IQCM: variants seen among roughly 807,000 people sequenced by gnomAD.
The protein encoded by IQCM is IQ motif containing M, also known as IQ domain-containing protein M.
A neutral mutation model predicts 57.6 loss-of-function variants in IQCM; 45 were observed. The observed-to-expected ratio is 0.78, with a 90% CI of 0.62 to 1.00. The LOEUF (loss-of-function observed/expected upper bound fraction) is 1.00. Among genes scored for constraint, IQCM ranks in the 50% least tolerant of loss-of-function variants. The pLI is 0.00. For synonymous variants in IQCM, 148 were observed against 158.9 expected (o/e 0.93, Z 0.51); for missense variants, 468 against 511.6 (o/e 0.91, Z 0.82).
intron 5 of IQCM, among the ~76,000 whole-genome samples, chr4:149,718,082 C>T (rs1765150636): frequency 6.6e-6 from 1 of 152,182 alleles, no homozygotes; most frequent in African/African-American, 2.4e-5. Flanking sequence ...GTAAAAGGCC[C>T]TCCTGCCTAC....
intron 12 of IQCM, among the ~76,000 whole-genome samples, chr4:149,453,092 A>C (rs1241263793): frequency 6.6e-6 from 1 of 151,636 alleles, no homozygotes; most frequent in Non-Finnish European, 1.5e-5. Flanking sequence ...GGAAAGAAGA[A>C]ACAATTAGAA....
At chr4:149,442,947 CACACACAGAGAGAG>C (rs1412435711) in intron 12 of IQCM, among the ~76,000 whole-genome samples, 2 of 52,510 alleles carry the variant, frequency 3.8e-5, no homozygotes, top group African/African-American at 1.7e-4. Flanking sequence ...CACACACACA[CACACACAGAGAGAG>C]AGAGAGAGAG....
chr4:149,797,966 C>T lies in IQCM; in HGVS notation c.-49+17345G>A, dbSNP rs566581421. Reference sequence around the variant, plus strand: ...GTACTTCAATCAGAAAAAAAAAAGACATTAATGAGCAATAAATCATCATCT... The same window carrying T: ...GTACTTCAATCAGAAAAAAAAAAGATATTAATGAGCAATAAATCATCATCT... On this transcript the variant is annotated intron_variant, in intron 2 of 13. Transcript: ENST00000636793. Among the ~76,000 whole-genome samples the T allele has an allele frequency of 2.2e-4, 34 of 151,178 alleles. No homozygotes were observed. In the South Asian group the frequency reaches 7.1e-3, roughly 32 times the overall value.
At chr4:149,514,189 A>G in intron 12 of IQCM, among the ~76,000 whole-genome samples, 1 of 152,186 alleles carries the variant, frequency 6.6e-6, no homozygotes, top group East Asian at 1.9e-4. Context: ...CCCAAAACAA[A>G]TGAATTACTT....
intron 2 of IQCM, among the ~76,000 whole-genome samples, chr4:149,774,684 C>A (rs1476601041): frequency 6.6e-6 from 1 of 151,484 alleles, no homozygotes; most frequent in Non-Finnish European, 1.5e-5. Context: ...CTTTGGAGGC[C>A]CCCTCCCTCT....
intron 13 of IQCM, among the ~76,000 whole-genome samples, chr4:149,369,629 C>T (rs1398718973): frequency 1.3e-5 from 2 of 152,052 alleles, no homozygotes; most frequent in African/African-American, 4.8e-5. Flanking sequence ...GTTAGGAAAA[C>T]AGCAGTGAAG....
intron 6 of IQCM, 87 bp from the exon 7 acceptor site, chr4:149,682,293 C>T (rs1019353741): frequency 1.4e-5 from 7 of 500,526 alleles, no homozygotes; most frequent in Middle Eastern, 5.7e-4. Flanking sequence ...GGACTAAATG[C>T]TAATCATAGA....
chr4:149,474,744 A>T (rs960695112), intron 12 of IQCM, among the ~76,000 whole-genome samples: 7 of 151,752 alleles, frequency 4.6e-5, no homozygotes, highest in African/African-American at 9.7e-5. Flanking sequence ...ATATATAATT[A>T]AAAAATAAAA....
At chr4:149,618,402 G>C (rs1187541542) in intron 8 of IQCM, among the ~76,000 whole-genome samples, 1 of 152,030 alleles carries the variant, frequency 6.6e-6, no homozygotes, top group Admixed American at 6.6e-5. Flanking sequence ...AAAAATCCTA[G>C]AAGAAAACCT....
At chr4:149,656,611 C>A (rs1759658877) in intron 7 of IQCM, among the ~76,000 whole-genome samples, 1 of 152,002 alleles carries the variant, frequency 6.6e-6, no homozygotes, top group African/African-American at 2.4e-5. Flanking sequence ...ATTGAGAATA[C>A]CTCCTTCCTT....
At chr4:149,475,461 T>C (rs1211260172) in intron 12 of IQCM, among the ~76,000 whole-genome samples, 1 of 152,166 alleles carries the variant, frequency 6.6e-6, no homozygotes, top group Non-Finnish European at 1.5e-5. Context: ...GATACATATG[T>C]GATCCTGGTG....
intron 12 of IQCM, among the ~76,000 whole-genome samples, chr4:149,443,041 T>C (rs527273912): frequency 1.3e-5 from 2 of 151,716 alleles, no homozygotes; most frequent in South Asian, 4.2e-4. Context: ...TGTGCTTGAC[T>C]AGCCAAGTCC....
intron 8 of IQCM, among the ~76,000 whole-genome samples, chr4:149,618,322 C>A (rs1056922021): frequency 6.6e-6 from 1 of 152,080 alleles, no homozygotes; most frequent in Non-Finnish European, 1.5e-5. Context: ...AAACTGGACC[C>A]CTATCTCTCA....
chr4:149,544,667 A>C (rs538813234), intron 12 of IQCM, among the ~76,000 whole-genome samples: 9 of 152,322 alleles, frequency 5.9e-5, no homozygotes, highest in African/African-American at 2.2e-4. Context: ...ATTGTATTCA[A>C]AACAGTATGA....
At chr4:149,484,026 T>G (rs536300040) in intron 12 of IQCM, among the ~76,000 whole-genome samples, 1 of 152,172 alleles carries the variant, frequency 6.6e-6, no homozygotes, top group East Asian at 1.9e-4. Flanking sequence ...TGTAGTGACC[T>G]TCTTTGTCGC....
chr4:149,800,664 A>G (rs1203218733), intron 2 of IQCM, among the ~76,000 whole-genome samples: 1 of 152,046 alleles, frequency 6.6e-6, no homozygotes, highest in African/African-American at 2.4e-5. Flanking sequence ...TATAAAGTCA[A>G]CACAGAAAAA....
chr4:149,478,505 A>T (rs1370236294), intron 12 of IQCM, among the ~76,000 whole-genome samples: 1 of 152,180 alleles, frequency 6.6e-6, no homozygotes, highest in Non-Finnish European at 1.5e-5. Context: ...ATAATTAGTG[A>T]GAGGGATATG....
intron 12 of IQCM, among the ~76,000 whole-genome samples, chr4:149,509,443 T>C (rs759860989): frequency 6.6e-6 from 1 of 151,166 alleles, no homozygotes; most frequent in Non-Finnish European, 1.5e-5. Flanking sequence ...TATGCTCAGC[T>C]TTTTTTTTCT....
chr4:149,397,749 C>T (rs1288977087), intron 13 of IQCM, among the ~76,000 whole-genome samples: 1 of 151,706 alleles, frequency 6.6e-6, no homozygotes, highest in Non-Finnish European at 1.5e-5. Flanking sequence ...TTTTTAAATC[C>T]AGTTATTAGG....
Sources: allele counts gnomAD v4.1 joint callset (sites outside exome capture counted in the v4.1 genomes callset), GRCh38; gene constraint gnomAD v4.1.1; transcripts MANE v1.5; gene names NCBI Gene and HGNC (gene_info 2026-07-23, HGNC 2026-07-21).